Variants in DENND5A observed in about 807,000 individuals in gnomAD.
The protein encoded by DENND5A is DENN domain containing 5A, also known as DENN domain-containing protein 5A.
DENND5A carries 64 observed loss-of-function variants against 140.3 expected under a neutral mutation model. That is an observed-to-expected ratio of 0.46 (90% CI 0.37 to 0.56). The LOEUF (loss-of-function observed/expected upper bound fraction) is 0.56, where lower values mean the gene tolerates loss of function less well. Among genes scored for constraint, DENND5A ranks in the 20% least tolerant of loss-of-function variants. The pLI, the probability that DENND5A is intolerant of heterozygous loss-of-function variation, is 0.00. For synonymous variants in DENND5A, 605 were observed against 607.7 expected (o/e 1.00, Z 0.07); for missense variants, 1,292 against 1,593.8 (o/e 0.81, Z 3.22).
intron 4 of DENND5A, among the ~76,000 whole-genome samples, chr11:9,196,823 T>C (rs933915873): frequency 6.6e-6 from 1 of 150,638 alleles, no homozygotes; most frequent in African/African-American, 2.4e-5. Context: ...GTTGGTCAGG[T>C]TGGTCTTAAG....
chr11:9,170,773 T>C lies in DENND5A; in HGVS notation c.1911A>G (p.Lys637=). The part of the protein sequence containing the change: ...QKCTTVDEAE[K]AIELRLAKID... ...TTTTTGCCAGACGCAGCTCAATTGC[T>C]TTCTCTGGATGAGAATACACACACA... The change falls in exon 9 of 23, where the codon AAA becomes AAG. Residue 637 remains lysine, a synonymous_variant. Transcript: ENST00000328194. The C allele has an allele frequency of 6.2e-7, 1 of 1,612,636 alleles. No homozygotes were observed. Among genetic ancestry groups the C allele is most frequent in the South Asian group, 1.1e-5 (1 of 91,052 alleles).
Position 9,265,040 on chromosome 11 carries a change from C to T in DENND5A, c.30G>A (p.Ser10=). ...AGTAGTCGGCGAAGCGACTGGGCGC[C>T]GAGCCCCCTCCGCCGCCGCCGCCAC... MSGGGGGGG[S]APSRFADYFV... The change falls in exon 1 of 23, where the codon TCG becomes TCA. Residue 10 remains serine, a synonymous_variant. Transcript: ENST00000328194. This position sits in a 1 kb window ranked among gnomAD's most constrained non-coding sequence, Gnocchi z 4.7. 6.4e-7 allele frequency: 1 copy of T among 1,558,380 alleles called. No individual in the cohort carries two copies. The highest frequency in any genetic ancestry group is 1.2e-5 in the South Asian group (1 of 85,426).
chr11:9,229,032 G>A (rs1363353258), intron 1 of DENND5A, among the ~76,000 whole-genome samples: 2 of 152,178 alleles, frequency 1.3e-5, no homozygotes, highest in Non-Finnish European at 2.9e-5. Flanking sequence ...GGCAATCTGG[G>A]ACTTTACTGG....
At chr11:9,261,843 G>A (rs1852215478) in intron 1 of DENND5A, among the ~76,000 whole-genome samples, 2 of 145,542 alleles carry the variant, frequency 1.4e-5, no homozygotes, top group Non-Finnish European at 3.0e-5. Context: ...CACCAGAAAT[G>A]AAATGAAGAG....
At chr11:9,187,489 T>C (rs1475414204) in intron 5 of DENND5A, among the ~76,000 whole-genome samples, 2 of 152,150 alleles carry the variant, frequency 1.3e-5, no homozygotes, top group Non-Finnish European at 2.9e-5. Flanking sequence ...ACAATGATCT[T>C]TCCCAATGCT....
At chr11:9,222,296 G>A (rs1224931921) in intron 1 of DENND5A, among the ~76,000 whole-genome samples, 4 of 92,216 alleles carry the variant, frequency 4.3e-5, no homozygotes, top group Non-Finnish European at 8.7e-5. Flanking sequence ...CTCTCTAAAA[G>A]ACAGTATCTT....
At chr11:9,238,800 A>G (rs1851110940) in intron 1 of DENND5A, among the ~76,000 whole-genome samples, 1 of 151,218 alleles carries the variant, frequency 6.6e-6, no homozygotes, top group Non-Finnish European at 1.5e-5. Context: ...TAATGAGTGA[A>G]TTATTTCCAC....
chr11:9,226,288 T>C (rs983398482), intron 1 of DENND5A, among the ~76,000 whole-genome samples: 6 of 152,190 alleles, frequency 3.9e-5, no homozygotes, highest in African/African-American at 9.7e-5. Flanking sequence ...TACTGAATGA[T>C]CTCATCCCAA....
chr11:9,195,105 G>A (rs117128144), intron 4 of DENND5A, among the ~76,000 whole-genome samples: 8,478 of 142,232 alleles, frequency 0.06, 345 homozygotes, highest in South Asian at 0.11. Flanking sequence ...TTTTTTTGAC[G>A]GAGTTTTGCT....
intron 5 of DENND5A, among the ~76,000 whole-genome samples, chr11:9,191,302 G>T (rs1357698806): frequency 6.6e-6 from 1 of 151,908 alleles, no homozygotes; most frequent in Non-Finnish European, 1.5e-5. Context: ...GCAGTGGCGT[G>T]ATCTCGGCTC....
At chr11:9,244,313 A>C (rs1001449924) in intron 1 of DENND5A, among the ~76,000 whole-genome samples, 2 of 152,154 alleles carry the variant, frequency 1.3e-5, no homozygotes, top group African/African-American at 2.4e-5. Context: ...TTAGGCCATG[A>C]GAGCTGCTCC....
At chr11:9,166,270 G>A (rs914114054) in intron 10 of DENND5A, among the ~76,000 whole-genome samples, 2 of 151,540 alleles carry the variant, frequency 1.3e-5, no homozygotes, top group African/African-American at 4.8e-5. Flanking sequence ...GTAGAGACGG[G>A]GTTTCACCAT....
intron 22 of DENND5A, among the ~76,000 whole-genome samples, chr11:9,140,632 C>T (rs1024297141): frequency 6.6e-6 from 1 of 152,186 alleles, no homozygotes; most frequent in Admixed American, 6.5e-5. Context: ...CCCTACCCTC[C>T]TTTCAACTGT....
In DENND5A at chr11:9,222,148, A is replaced by G. The variant is rs111708548; in HGVS notation, c.110-14516T>C. On this transcript the variant is annotated intron_variant, in intron 1 of 22. Coordinates refer to ENST00000328194, the MANE Select transcript of DENND5A (RefSeq NM_015213.4). ...CTAACATTTTATCATAAAAAGTACA[A>G]TGAACTGCCATGTATCTATCACCTA... Among the ~76,000 whole-genome samples the G allele has an allele frequency of 7.3e-3, 1,118 of 152,368 alleles. 11 individuals are homozygous for G. Among genetic ancestry groups the G allele is most frequent in the African/African-American group, 0.026 (1,076 of 41,592 alleles).
chr11:9,178,076 A>AAAATATG, intron 8 of DENND5A, 56 bp downstream of exon 8: 2 of 1,188,540 alleles, frequency 1.7e-6, no homozygotes, highest in Non-Finnish European at 2.5e-6. Context: ...AGGAAAAGGG[A>AAAATATG]CATGTTAATG....
At chr11:9,152,214 G>T (rs1336857749) in intron 13 of DENND5A, 144 bp downstream of exon 13, 2 of 690,024 alleles carry the variant, frequency 2.9e-6, no homozygotes, top group African/African-American at 1.8e-5. Context: ...GGTTCAGAGA[G>T]TCTGGTGGCT....
At chr11:9,219,605 A>T (rs1369305096) in intron 1 of DENND5A, among the ~76,000 whole-genome samples, 1 of 152,240 alleles carries the variant, frequency 6.6e-6, no homozygotes, top group African/African-American at 2.4e-5. Context: ...AGGAAACTGG[A>T]GCCATCACGA....
At chr11:9,145,534 C>G in intron 17 of DENND5A, 136 bp downstream of exon 17, 1 of 967,880 alleles carries the variant, frequency 1.0e-6, no homozygotes, top group East Asian at 2.4e-5. Context: ...AGCCTCAGAT[C>G]ATCTCAGGAA....
At chr11:9,207,340 C>A in intron 2 of DENND5A, 1 of 523,302 alleles carries the variant, frequency 1.9e-6, no homozygotes, top group Admixed American at 3.6e-5. Flanking sequence ...TTTCCCATTC[C>A]CCCTCCTAAA....
Sources: gnomAD v4.1 joint callset for allele counts (sites outside exome capture counted in the v4.1 genomes callset) on GRCh38, gnomAD v4.1.1 for gene constraint, Gnocchi (gnomAD v3.1) non-coding constraint, MANE v1.5 for transcripts, NCBI Gene and HGNC (gene_info 2026-07-23, HGNC 2026-07-21) for gene names.